Variants in NARS2 observed in about 807,000 individuals in gnomAD.
The protein encoded by NARS2 is asparaginyl-tRNA synthetase 2, mitochondrial, also known as asparaginyl-tRNA synthetase.
In NARS2, 60 loss-of-function variants were observed where a neutral mutation model predicts 62.9. The observed-to-expected ratio is 0.95, with a 90% CI of 0.77 to 1.18. NARS2 has a LOEUF of 1.18. Among genes scored for constraint, NARS2 ranks in the 50% most tolerant of loss-of-function variants. The probability of loss-of-function intolerance (pLI) is 0.00; values close to 1 mark genes in which losing one functional copy is unlikely to be tolerated. For missense variants in NARS2, 619 were observed against 576.4 expected, an observed-to-expected ratio of 1.07 and a Z score of -0.76; for synonymous variants, 196 against 200.0, an observed-to-expected ratio of 0.98 and a Z score of 0.17.
At chr11:78,463,713 CA>C (rs10649252) in intron 11 of NARS2, among the ~76,000 whole-genome samples, 1,552 of 47,936 alleles carry the variant, frequency 0.032, 24 homozygotes, top group African/African-American at 0.12. Flanking sequence ...TAGTTAAGGT[CA>C]AAAAAAAAAA....
intron 3 of NARS2, among the ~76,000 whole-genome samples, chr11:78,568,021 A>C (rs1371746551): frequency 3.3e-5 from 5 of 152,264 alleles, no homozygotes; most frequent in Non-Finnish European, 7.3e-5. Flanking sequence ...AGCTAACAGA[A>C]GAGTCTTGCA....
At chr11:78,464,493 G>A (rs1488355107) in intron 11 of NARS2, among the ~76,000 whole-genome samples, 2 of 152,146 alleles carry the variant, frequency 1.3e-5, no homozygotes, top group Non-Finnish European at 2.9e-5. Flanking sequence ...CCCTGAGCTA[G>A]ACACAAAGGT....
chr11:78,485,731 T>G (rs1196788129), intron 7 of NARS2, among the ~76,000 whole-genome samples: 1 of 152,158 alleles, frequency 6.6e-6, no homozygotes, highest in African/African-American at 2.4e-5. Context: ...AGCCAAAATG[T>G]AGCCCCAGTT....
At chr11:78,505,948 A>C (rs1461150174) in intron 6 of NARS2, among the ~76,000 whole-genome samples, 1 of 152,166 alleles carries the variant, frequency 6.6e-6, no homozygotes, top group Non-Finnish European at 1.5e-5. Context: ...AAAGTACACC[A>C]CCTATATCTG....
chr11:78,504,507 T>C (rs1391581952), intron 6 of NARS2, among the ~76,000 whole-genome samples: 1 of 140,692 alleles, frequency 7.1e-6, no homozygotes, highest in Non-Finnish European at 1.5e-5. Flanking sequence ...TCAAAATAAA[T>C]AAAACTAATG....
intron 10 of NARS2, among the ~76,000 whole-genome samples, chr11:78,468,755 T>C (rs892306767): frequency 4.6e-5 from 7 of 151,970 alleles, no homozygotes; most frequent in East Asian, 1.9e-4. Context: ...ACAGAACTAG[T>C]TGACTTTTAC....
chr11:78,441,137 AT>A lies in NARS2; in HGVS notation c.1263-21del. Reference sequence around the variant, plus strand: ...CCCGATCTGTTTAAAGGAAAATAAAATTCTTTCAGGGAACGGCAATAAGATA... The same window carrying A: ...CCCGATCTGTTTAAAGGAAAATAAAATCTTTCAGGGAACGGCAATAAGATA... On this transcript the variant is annotated intron_variant, in intron 12 of 13. Transcript: ENST00000281038. 6.2e-7 allele frequency: 1 copy of A among 1,605,958 alleles called. No individual in the cohort carries two copies. Among genetic ancestry groups the A allele is most frequent in the Non-Finnish European group, 8.5e-7 (1 of 1,175,938 alleles).
chr11:78,456,747 G>A (rs981947115), intron 11 of NARS2, among the ~76,000 whole-genome samples: 1 of 152,172 alleles, frequency 6.6e-6, no homozygotes, highest in Non-Finnish European at 1.5e-5. Context: ...AATTACACGT[G>A]TGTAGAATAA....
chr11:78,539,182 G>A (rs958954251), intron 5 of NARS2, among the ~76,000 whole-genome samples: 8 of 151,626 alleles, frequency 5.3e-5, no homozygotes, highest in Non-Finnish European at 7.4e-5. Context: ...GTGTCTTAGC[G>A]GAGAACAGAT....
At chr11:78,525,561 A>G (rs1175202375) in intron 6 of NARS2, among the ~76,000 whole-genome samples, 1 of 152,162 alleles carries the variant, frequency 6.6e-6, no homozygotes, top group Non-Finnish European at 1.5e-5. Flanking sequence ...GTCTATTAAG[A>G]TATAAATGAT....
At chr11:78,566,430 C>G (rs1180740849) in intron 3 of NARS2, among the ~76,000 whole-genome samples, 158 bp from the exon 4 acceptor site, 1 of 152,178 alleles carries the variant, frequency 6.6e-6, no homozygotes. Flanking sequence ...ATTATTTCCA[C>G]CAGGTAAGTG....
At chr11:78,536,236 G>A (rs552586428) in intron 5 of NARS2, among the ~76,000 whole-genome samples, 1 of 152,144 alleles carries the variant, frequency 6.6e-6, no homozygotes, top group African/African-American at 2.4e-5. Context: ...AAACAACTAT[G>A]TTACTGATTT....
At chr11:78,482,447 A>G (rs1192674553) in intron 7 of NARS2, among the ~76,000 whole-genome samples, 1 of 152,188 alleles carries the variant, frequency 6.6e-6, no homozygotes, top group Non-Finnish European at 1.5e-5. Context: ...AAAAAAATCA[A>G]TGAATCCAGG....
chr11:78,567,927 C>T (rs1450872278), intron 3 of NARS2, among the ~76,000 whole-genome samples: 1 of 152,142 alleles, frequency 6.6e-6, no homozygotes, highest in Non-Finnish European at 1.5e-5. Flanking sequence ...CTGGCTGGGC[C>T]TCATTTTCTC....
intron 5 of NARS2, among the ~76,000 whole-genome samples, chr11:78,542,778 A>G (rs1855674337): frequency 6.6e-6 from 1 of 152,126 alleles, no homozygotes; most frequent in African/African-American, 2.4e-5. Context: ...GCGCACCTGT[A>G]GTTTTAGTAA....
chr11:78,502,991 C>CTAA (rs1555025326), intron 6 of NARS2, among the ~76,000 whole-genome samples: 4 of 82,946 alleles, frequency 4.8e-5, no homozygotes, highest in East Asian at 7.0e-4. Context: ...GAGACTGTCT[C>CTAA]AAAAAAAAAA....
chr11:78,486,472 A>G (rs1024842484), intron 7 of NARS2, among the ~76,000 whole-genome samples: 1 of 152,248 alleles, frequency 6.6e-6, no homozygotes, highest in Non-Finnish European at 1.5e-5. Context: ...ATCACTGTGC[A>G]ATTTCCAGAC....
At chr11:78,574,022 G>A (rs1441658849) in intron 1 of NARS2, among the ~76,000 whole-genome samples, 1 of 152,204 alleles carries the variant, frequency 6.6e-6, no homozygotes, top group African/African-American at 2.4e-5. Flanking sequence ...GGGAGGTCAA[G>A]ACAACCACTT....
rs138715434 is a variant in NARS2, at chr11:78,455,383, GTAAACT to G, written c.1164+10487_1164+10492del. Among the ~76,000 whole-genome samples, 726 of 152,150 alleles carry G rather than the reference GTAAACT, an allele frequency of 4.8e-3. 7 individuals are homozygous for G. The highest frequency in any genetic ancestry group is 0.01 in the Middle Eastern group (3 of 294). On this transcript the variant is annotated intron_variant, in intron 11 of 13. Transcript: ENST00000281038. ...TACAAGTGTGTAATTCCCTTTTAAAGTAAACTTAAAGTATAAAATATGTGTAAAAAG... is the reference window on the plus strand; with the variant it reads ...TACAAGTGTGTAATTCCCTTTTAAAGTAAAGTATAAAATATGTGTAAAAAG...
Sources: allele counts gnomAD v4.1 joint callset (sites outside exome capture counted in the v4.1 genomes callset), GRCh38; gene constraint gnomAD v4.1.1; transcripts MANE v1.5; gene names NCBI Gene and HGNC (gene_info 2026-07-23, HGNC 2026-07-21).